The following KCNN3 variants were observed in gnomAD, a reference collection of about 807,000 sequenced individuals.
The protein encoded by KCNN3 is potassium calcium-activated channel subfamily N member 3.
A neutral mutation model predicts 62.9 loss-of-function variants in KCNN3; 16 were observed. The ratio of observed to expected loss-of-function variants is 0.25; its 90% CI spans 0.17 to 0.39. KCNN3 has a LOEUF of 0.39. Ranked by LOEUF, KCNN3 falls within the 10% of genes least tolerant of loss-of-function variation. KCNN3 has a pLI of 1.00. For missense variants in KCNN3, 599 were observed against 949.4 expected, an observed-to-expected ratio of 0.63 and a Z score of 4.85; for synonymous variants, 370 against 389.2, an observed-to-expected ratio of 0.95 and a Z score of 0.58.
chr1:154,711,732 T>C (rs1452562929), intron 7 of KCNN3, among the ~76,000 whole-genome samples: 1 of 152,188 alleles, frequency 6.6e-6, no homozygotes, highest in Non-Finnish European at 1.5e-5. Flanking sequence ...GGTGGATACG[T>C]GGCCCAAATT....
chr1:154,843,516 TCG>T (rs1424061570), intron 1 of KCNN3, among the ~76,000 whole-genome samples: 2 of 152,004 alleles, frequency 1.3e-5, no homozygotes, highest in Admixed American at 1.3e-4. Flanking sequence ...GTCTCCCACC[TCG>T]GCCTCCCAAA....
intron 1 of KCNN3, among the ~76,000 whole-genome samples, chr1:154,823,086 A>G (rs1650970757): frequency 6.6e-6 from 1 of 152,218 alleles, no homozygotes; most frequent in Non-Finnish European, 1.5e-5. Flanking sequence ...GAGTTAATGT[A>G]TGCAAAGTGC....
At chr1:154,718,592 G>C (rs567959555) in intron 5 of KCNN3, among the ~76,000 whole-genome samples, 1 of 152,336 alleles carries the variant, frequency 6.6e-6, no homozygotes, top group South Asian at 2.1e-4. Flanking sequence ...GAGCACCTAT[G>C]ATGGGCCAGA....
chr1:154,728,573 G>A (rs1363176850), intron 4 of KCNN3, among the ~76,000 whole-genome samples: 1 of 152,052 alleles, frequency 6.6e-6, no homozygotes, highest in Non-Finnish European at 1.5e-5. Context: ...ACTGTGCGGG[G>A]TGCGGGGCGG....
Position 154,707,689 on chromosome 1 carries a change from T to G in KCNN3, c.*287A>C. On this transcript the variant is annotated 3_prime_UTR_variant, in exon 8 of 8. Coordinates refer to ENST00000271915, the MANE Select transcript of KCNN3 (RefSeq NM_002249.6). ...CCGCGTGAAGACCTGAGATTGAGCG[T>G]GGATTTCTGTTCTCCACCAACTCTG... 5 of 334,736 alleles carry G rather than the reference T, an allele frequency of 1.5e-5. No homozygotes were observed. The highest frequency in any genetic ancestry group is 4.8e-5 in the South Asian group (1 of 20,972). 20.7% of individuals were successfully genotyped at this position (334,736 alleles called of 1,614,324 possible). A position where few individuals can be genotyped will look rare whatever the true frequency, so the allele number is the denominator to read the frequency against.
chr1:154,776,823 T>TGCCCAG (rs1648809757), intron 2 of KCNN3, among the ~76,000 whole-genome samples: 1 of 152,160 alleles, frequency 6.6e-6, no homozygotes, highest in African/African-American at 2.4e-5. Context: ...AAAATACCCA[T>TGCCCAG]GCCCAGGCCC....
intron 3 of KCNN3, chr1:154,737,193 G>A: frequency 6.5e-6 from 1 of 153,454 alleles, no homozygotes; most frequent in South Asian, 7.3e-5. Flanking sequence ...GCTATTTTTT[G>A]CAATAGAAAA....
intron 2 of KCNN3, among the ~76,000 whole-genome samples, chr1:154,793,377 T>C (rs910040859): frequency 2.0e-5 from 3 of 152,070 alleles, no homozygotes; most frequent in Admixed American, 6.5e-5. Flanking sequence ...TGGAGTTTCA[T>C]CCCTGTATCT....
intron 3 of KCNN3, among the ~76,000 whole-genome samples, chr1:154,764,566 G>T (rs1648173933): frequency 6.6e-6 from 1 of 152,058 alleles, no homozygotes; most frequent in South Asian, 2.1e-4. Context: ...ATATTTCTCT[G>T]ATTGCTAAAA....
chr1:154,829,319 C>T (rs1651283984), intron 1 of KCNN3, among the ~76,000 whole-genome samples: 1 of 152,242 alleles, frequency 6.6e-6, no homozygotes, highest in Non-Finnish European at 1.5e-5. Context: ...GACCAGCTCT[C>T]TCCACGGCAG....
intron 2 of KCNN3, among the ~76,000 whole-genome samples, chr1:154,802,788 TG>T (rs1165303378): frequency 6.6e-6 from 1 of 152,116 alleles, no homozygotes; most frequent in East Asian, 1.9e-4. Context: ...CCTACTAACA[TG>T]GGTGTGCATG....
chr1:154,740,319 G>A (rs1700801202), intron 3 of KCNN3, among the ~76,000 whole-genome samples: 1 of 152,120 alleles, frequency 6.6e-6, no homozygotes, highest in Admixed American at 6.6e-5. Flanking sequence ...GTCTTACTCT[G>A]TTGCCCAGGC....
chr1:154,749,726 T>C (rs1355610990), intron 3 of KCNN3, among the ~76,000 whole-genome samples: 1 of 151,870 alleles, frequency 6.6e-6, no homozygotes, highest in East Asian at 1.9e-4. Context: ...ACAGAGACAA[T>C]GGCTGGAAGG....
chr1:154,781,406 T>C (rs554320233), intron 2 of KCNN3, among the ~76,000 whole-genome samples: 7 of 152,326 alleles, frequency 4.6e-5, no homozygotes, highest in Admixed American at 2.6e-4. Flanking sequence ...TGGTTTTCCA[T>C]TTTCTCTGGG....
rs146731097 is a variant in KCNN3 at position 154,784,680 on chromosome 1, C to T, written c.1030-12287G>A. On this transcript the variant is annotated intron_variant, in intron 2 of 7. Transcript: ENST00000271915. ...GAGTGCTAGCCCCCGTTTCAGGGGGCGGAGGGAGCAGGGCGGCGGTCTCCA... is the reference window on the plus strand; with the variant it reads ...GAGTGCTAGCCCCCGTTTCAGGGGGTGGAGGGAGCAGGGCGGCGGTCTCCA... 5.8e-3 allele frequency among the ~76,000 whole-genome samples: 886 copies of T among 152,276 alleles called. 8 individuals are homozygous for T. Among genetic ancestry groups the T allele is most frequent in the African/African-American group, 0.02 (812 of 41,550 alleles).
At position 154,733,060 on chromosome 1, in the gene KCNN3, C is replaced by T. The variant is rs1213428541; in HGVS notation, c.1533G>A (p.Gly511=). Residue 511 remains glycine, a synonymous_variant, in exon 4 of 8, where the codon GGG becomes GGA. Transcript: ENST00000271915. ...CACAGTATGTGTGGGGCACCATGTC[C>T]CCATAACCAATGGAAAGGAATGTGA... is the stretch of plus-strand genomic sequence containing the variant. ...ISITFLSIGY[G]DMVPHTYCGK... is the part of the protein sequence containing the mutation. The T allele has an allele frequency of 6.2e-7, 1 of 1,614,072 alleles. No individual in the cohort carries two copies. The highest frequency in any genetic ancestry group is 2.2e-5 in the East Asian group (1 of 44,882).
rs1433064149 is a variant in KCNN3 at position 154,704,583 on chromosome 1, G to A, written c.*3393C>T. On this transcript the variant is annotated 3_prime_UTR_variant, in exon 8 of 8. Coordinates refer to ENST00000271915, the MANE Select transcript of KCNN3 (RefSeq NM_002249.6). The stretch of plus-strand genomic sequence containing the variant: ...TATGGCTTAAGCAATGGCAGGGGTG[G>A]GGGTGGTTCTGTATTTCTAATTCAA... 1 of 151,998 alleles carries A rather than the reference G, an allele frequency of 6.6e-6. No homozygotes were observed. Among genetic ancestry groups the A allele is most frequent in the African/African-American group, 2.4e-5 (1 of 41,338 alleles). The allele number at this position is 151,998 out of a possible 1,614,324, so 9.4% of individuals were successfully genotyped here.
At position 154,823,402 on chromosome 1, in the gene KCNN3, C is replaced by T. The variant is rs750197546; in HGVS notation, c.934-1218G>A. Among the ~76,000 whole-genome samples the T allele has an allele frequency of 1.4e-4, 22 of 152,210 alleles. 1 individual carries two copies. The highest frequency in any genetic ancestry group is 2.4e-4 in the African/African-American group (10 of 41,456). Reference sequence around the variant, plus strand: ...GAGCTGGTCATTAGAAGAATGATGCCTGATTTCTGGAAGGCACCTTACAGT... The same window carrying T: ...GAGCTGGTCATTAGAAGAATGATGCTTGATTTCTGGAAGGCACCTTACAGT... On this transcript the variant is annotated intron_variant, in intron 1 of 7. Transcript: ENST00000271915.
At position 154,733,128 on chromosome 1, in the gene KCNN3, C is replaced by T. The variant is rs1248925587; in HGVS notation, c.1465G>A (p.Asp489Asn). 2 of 1,614,196 alleles carry T rather than the reference C, an allele frequency of 1.2e-6. No individual in the cohort carries two copies. The highest frequency in any genetic ancestry group is 1.3e-5 in the African/African-American group (1 of 75,038). Residue 489 changes from aspartate to asparagine, a missense_variant, in exon 4 of 8, where the codon GAC becomes AAC. Transcript: ENST00000271915. The stretch of plus-strand genomic sequence containing the variant: ...GCACCCAGAAAGTTACTAGTTACGT[C>T]CTGCTGGTCATGGTACCTGCCAATG... Reference protein sequence around the residue: ...RVCERYHDQQDVTSNFLGAMW... With the variant: ...RVCERYHDQQNVTSNFLGAMW...
Sources: allele counts gnomAD v4.1 joint callset (sites outside exome capture counted in the v4.1 genomes callset), GRCh38; gene constraint gnomAD v4.1.1; transcripts MANE v1.5; gene names NCBI Gene and HGNC (gene_info 2026-07-23, HGNC 2026-07-21).